Variants in PSMA8 observed in about 807,000 individuals in gnomAD.
The protein encoded by PSMA8 is proteasome 20S subunit alpha 8.
Under a neutral mutation model 32.4 loss-of-function variants are expected in PSMA8, and 18 were observed. The observed-to-expected ratio is 0.56, with a 90% confidence interval of 0.38 to 0.82. The LOEUF is 0.82. PSMA8 is among the 40% of genes least tolerant of loss of function. The pLI is 0.00. For synonymous variants in PSMA8, 104 were observed against 98.1 expected (o/e 1.06, Z -0.36); for missense variants, 298 against 300.7 (o/e 0.99, Z 0.07).
At chr18:26,156,415 C>T (rs2055089460) in intron 3 of PSMA8, among the ~76,000 whole-genome samples, 1 of 152,040 alleles carries the variant, frequency 6.6e-6, no homozygotes, top group Non-Finnish European at 1.5e-5. Flanking sequence ...CCTAAGCATT[C>T]ATCAACAGAT....
intron 3 of PSMA8, among the ~76,000 whole-genome samples, chr18:26,153,920 G>A (rs2055066371): frequency 6.6e-6 from 1 of 151,260 alleles, no homozygotes; most frequent in Admixed American, 6.6e-5. Context: ...TTTATTTTTT[G>A]AGACAGACTC....
At chr18:26,141,148 T>C (rs550654300) in intron 1 of PSMA8, among the ~76,000 whole-genome samples, 1 of 152,282 alleles carries the variant, frequency 6.6e-6, no homozygotes, top group African/African-American at 2.4e-5. Flanking sequence ...TCCCTAACCA[T>C]TAATTTTTGC....
chr18:26,182,270 A>G (rs1217919455), intron 6 of PSMA8, among the ~76,000 whole-genome samples: 1 of 152,234 alleles, frequency 6.6e-6, no homozygotes, highest in Admixed American at 6.5e-5. Flanking sequence ...CAGATTTTCA[A>G]TGTAGATGAA....
intron 6 of PSMA8, among the ~76,000 whole-genome samples, chr18:26,183,407 A>G (rs2055328386): frequency 6.6e-6 from 1 of 150,548 alleles, no homozygotes; most frequent in South Asian, 2.1e-4. Context: ...AAAAAAATTA[A>G]CAAACAAACA....
chr18:26,175,461 GGGGTGAAGGGACTGCACA>G (rs2055256470), intron 4 of PSMA8, among the ~76,000 whole-genome samples: 1 of 152,126 alleles, frequency 6.6e-6, no homozygotes, highest in African/African-American at 2.4e-5. Context: ...GTTCTAACTT[GGGGTGAAGGGACTGCACA>G]TTGATACTCT....
At chr18:26,172,994 T>C (rs1598663689) in intron 4 of PSMA8, among the ~76,000 whole-genome samples, 1 of 152,052 alleles carries the variant, frequency 6.6e-6, no homozygotes, top group African/African-American at 2.4e-5. Flanking sequence ...CCATCAAGAG[T>C]GGTCAAGGCC....
chr18:26,151,972 C>A lies in PSMA8; in HGVS notation c.344C>A (p.Thr115Asn). ...TVEYITRFIA[T>N]LKQKYTQSNG... is the part of the protein sequence containing the mutation. ...GAATACATAACTCGCTTCATAGCAA[C>A]TTTAAAGCAGGTAAGCTAATATTCT... Residue 115 changes from threonine to asparagine, a missense_variant, in exon 3 of 7, where the codon ACT (threonine) becomes AAT (asparagine). Coordinates refer to ENST00000415576, the MANE Select transcript of PSMA8 (RefSeq NM_001025096.2). The A allele has an allele frequency of 6.3e-7, 1 of 1,596,052 alleles. No individual in the cohort carries two copies. Among genetic ancestry groups the A allele is most frequent in the Non-Finnish European group, 8.5e-7 (1 of 1,174,810 alleles).
chr18:26,178,551 A>G (rs951059487), intron 4 of PSMA8, among the ~76,000 whole-genome samples: 38 of 150,780 alleles, frequency 2.5e-4, no homozygotes, highest in African/African-American at 9.0e-4. Context: ...GTGAGCTATA[A>G]TTGTGCCACT....
At chr18:26,182,653 G>T (rs2055321025) in intron 6 of PSMA8, among the ~76,000 whole-genome samples, 1 of 152,184 alleles carries the variant, frequency 6.6e-6, no homozygotes, top group Non-Finnish European at 1.5e-5. Context: ...GCGTAATTTT[G>T]ACTTTCAAGT....
intron 1 of PSMA8, among the ~76,000 whole-genome samples, chr18:26,140,583 A>G (rs970938169): frequency 2.0e-5 from 3 of 152,194 alleles, no homozygotes; most frequent in Admixed American, 6.5e-5. Context: ...GGGCATGGGA[A>G]ACTCCTATTC....
At chr18:26,179,008 T>G in intron 5 of PSMA8, 59 bp downstream of exon 5, 1 of 1,607,074 alleles carries the variant, frequency 6.2e-7, no homozygotes, top group Non-Finnish European at 8.5e-7. Flanking sequence ...TCATCCATTT[T>G]TGTTTATTAA....
At chr18:26,158,745 G>A (rs2055111131) in intron 4 of PSMA8, among the ~76,000 whole-genome samples, 1 of 152,152 alleles carries the variant, frequency 6.6e-6, no homozygotes, top group Non-Finnish European at 1.5e-5. Context: ...TGGATAAGCT[G>A]TTATTCTTGT....
chr18:26,167,526 C>T (rs985733928), intron 4 of PSMA8, among the ~76,000 whole-genome samples: 145 of 152,210 alleles, frequency 9.5e-4, no homozygotes, highest in African/African-American at 3.3e-3. Flanking sequence ...ATACATTGAA[C>T]CCCTAACCCC....
chr18:26,156,987 G>T (rs2055095078), intron 3 of PSMA8, among the ~76,000 whole-genome samples: 1 of 150,962 alleles, frequency 6.6e-6, no homozygotes, highest in African/African-American at 2.4e-5. Context: ...GTTTCCCTAT[G>T]TTGCCCAGGC....
At position 26,158,058 on chromosome 18, in the gene PSMA8, T is replaced by C. The variant is rs148385892; in HGVS notation, c.355-64T>C. On this transcript the variant is annotated intron_variant, in intron 3 of 6. Transcript: ENST00000415576. ...GTGGATCATTTGGGCAGCAATGCTTTATTATTAGAATTTTTATTTTGTAAC... is the reference window on the plus strand; with the variant it reads ...GTGGATCATTTGGGCAGCAATGCTTCATTATTAGAATTTTTATTTTGTAAC... 1,672 of 1,152,760 alleles carry C rather than the reference T, an allele frequency of 1.5e-3. 2 individuals carry two copies. The highest frequency in any genetic ancestry group is 2.4e-3 in the Admixed American group (106 of 44,560). The allele number at this position is 1,152,760 out of a possible 1,614,324, so 71.4% of individuals were successfully genotyped here. A position where few individuals can be genotyped will look rare whatever the true frequency, so the allele number is the denominator to read the frequency against.
At chr18:26,135,352 A>T (rs914448160) in intron 1 of PSMA8, among the ~76,000 whole-genome samples, 1 of 152,176 alleles carries the variant, frequency 6.6e-6, no homozygotes, top group African/African-American at 2.4e-5. Context: ...AGCTATGAGA[A>T]TACACAGTAC....
intron 1 of PSMA8, among the ~76,000 whole-genome samples, chr18:26,141,417 G>T (rs1439002287): frequency 6.6e-6 from 1 of 151,974 alleles, no homozygotes; most frequent in East Asian, 1.9e-4. Context: ...ATAAATTGTT[G>T]TCTTGTGACC....
intron 1 of PSMA8, among the ~76,000 whole-genome samples, chr18:26,137,689 T>C (rs1238164563): frequency 2.0e-5 from 3 of 152,228 alleles, no homozygotes; most frequent in Non-Finnish European, 4.4e-5. Flanking sequence ...CTAAACATGA[T>C]GCTAGGTCAC....
chr18:26,171,038 AG>A, intron 4 of PSMA8: 2 of 1,557,162 alleles, frequency 1.3e-6, no homozygotes, highest in Non-Finnish European at 1.7e-6. Flanking sequence ...CTCCTTGTGG[AG>A]GTTCCTTGAG....
Sources: allele counts gnomAD v4.1 joint callset (sites outside exome capture counted in the v4.1 genomes callset), GRCh38; gene constraint gnomAD v4.1.1; transcripts MANE v1.5; gene names NCBI Gene and HGNC (gene_info 2026-07-23, HGNC 2026-07-21).